EPM2A: variants seen among roughly 807,000 people sequenced by gnomAD.
EPM2A encodes EPM2A glucan phosphatase, laforin.
EPM2A carries 21 observed loss-of-function variants against 26.5 expected under a neutral mutation model. The observed-to-expected ratio is 0.79, with a 90% CI of 0.56 to 1.14. EPM2A has a LOEUF of 1.14. Among genes scored for constraint, EPM2A ranks in the 50% most tolerant of loss-of-function variants. The probability of loss-of-function intolerance (pLI) is 0.00; values close to 1 mark genes in which losing one functional copy is unlikely to be tolerated. For missense variants in EPM2A, 458 were observed against 440.8 expected (o/e 1.04, Z -0.35); for synonymous variants, 217 against 177.6 (o/e 1.22, Z -1.76).
chr6:145,566,972 CT>C (rs1379591905), intron 2 of EPM2A, among the ~76,000 whole-genome samples: 4 of 152,162 alleles, frequency 2.6e-5, no homozygotes, highest in African/African-American at 9.7e-5. Context: ...AGTAAGTTGA[CT>C]TTGGTAAAGG....
At chr6:145,596,620 C>T (rs1476559939) in intron 2 of EPM2A, among the ~76,000 whole-genome samples, 1 of 151,984 alleles carries the variant, frequency 6.6e-6, no homozygotes, top group African/African-American at 2.4e-5. Context: ...ACTTTATTTT[C>T]CTTAATGGCC....
chr6:145,444,267 A>T (rs1009294170), intron 4 of EPM2A, among the ~76,000 whole-genome samples: 13 of 152,318 alleles, frequency 8.5e-5, no homozygotes, highest in Non-Finnish European at 1.5e-4. Flanking sequence ...ATTTTGAGGT[A>T]TGTTCCTTTA....
intron 2 of EPM2A, among the ~76,000 whole-genome samples, chr6:145,602,392 C>T (rs1230257365): frequency 6.6e-6 from 1 of 152,198 alleles, no homozygotes; most frequent in African/African-American, 2.4e-5. Flanking sequence ...ATAACCAGAT[C>T]ATCTGCTTAC....
intron 4 of EPM2A, among the ~76,000 whole-genome samples, chr6:145,454,980 TG>T (rs1779243679): frequency 6.6e-6 from 1 of 152,190 alleles, no homozygotes; most frequent in African/African-American, 2.4e-5. Context: ...ATTGTATATA[TG>T]TGTATGTGCA....
chr6:145,660,504 T>A (rs1296327166), intron 2 of EPM2A, among the ~76,000 whole-genome samples: 4 of 152,156 alleles, frequency 2.6e-5, no homozygotes, highest in African/African-American at 4.8e-5. Flanking sequence ...ATGTAGGCAC[T>A]CAAAAAACAT....
chr6:145,468,091 A>G (rs1779423670), intron 4 of EPM2A, among the ~76,000 whole-genome samples: 1 of 151,958 alleles, frequency 6.6e-6, no homozygotes, highest in Non-Finnish European at 1.5e-5. Context: ...TGTCCTGTTT[A>G]TATTTGTCTT....
chr6:145,538,259 CTT>C (rs201319308), intron 2 of EPM2A, among the ~76,000 whole-genome samples: 2 of 145,956 alleles, frequency 1.4e-5, no homozygotes. Flanking sequence ...CAGAAGAGGC[CTT>C]TTTTTTTTTA....
chr6:145,682,639 T>C (rs1780628259), intron 2 of EPM2A: 1 of 152,310 alleles, frequency 6.6e-6, no homozygotes, highest in South Asian at 2.1e-4. Flanking sequence ...CCATTATTGA[T>C]GGTCCAGCAC....
At chr6:145,603,499 C>T (rs889885836) in intron 2 of EPM2A, among the ~76,000 whole-genome samples, 2 of 152,162 alleles carry the variant, frequency 1.3e-5, no homozygotes, top group Non-Finnish European at 2.9e-5. Flanking sequence ...CATTAAGAAT[C>T]CTGAGATCAG....
chr6:145,567,354 A>G (rs1780897633), intron 2 of EPM2A, among the ~76,000 whole-genome samples: 1 of 152,190 alleles, frequency 6.6e-6, no homozygotes, highest in Admixed American at 6.5e-5. Context: ...AACACTAGCT[A>G]CTGCCACACA....
chr6:145,505,294 G>C (rs1177295241), intron 2 of EPM2A, among the ~76,000 whole-genome samples: 1 of 151,988 alleles, frequency 6.6e-6, no homozygotes, highest in East Asian at 1.9e-4. Context: ...TAGAAAAGGT[G>C]CATGAATAGT....
At chr6:145,434,500 T>A (rs993813752) in intron 4 of EPM2A, among the ~76,000 whole-genome samples, 6 of 152,056 alleles carry the variant, frequency 3.9e-5, no homozygotes, top group African/African-American at 1.4e-4. Flanking sequence ...TTTTAAGTAA[T>A]CATTTTTATT....
chr6:145,422,530 T>C (rs1416852040), intron 4 of EPM2A, among the ~76,000 whole-genome samples: 1 of 150,756 alleles, frequency 6.6e-6, no homozygotes, highest in Non-Finnish European at 1.5e-5. Context: ...AAACCAGAAA[T>C]GTTATTCAAA....
At chr6:145,553,052 C>A (rs1370494984) in intron 2 of EPM2A, among the ~76,000 whole-genome samples, 2 of 152,020 alleles carry the variant, frequency 1.3e-5, no homozygotes, top group Admixed American at 6.6e-5. Context: ...AAGGATGAGA[C>A]CAGATGGAGG....
intron 2 of EPM2A, among the ~76,000 whole-genome samples, chr6:145,515,758 A>C (rs1780117765): frequency 6.6e-6 from 1 of 152,226 alleles, no homozygotes; most frequent in African/African-American, 2.4e-5. Flanking sequence ...CACAATTTAT[A>C]GGTCTTAACT....
At chr6:145,687,932 C>A (rs937164414) in intron 1 of EPM2A, among the ~76,000 whole-genome samples, 2 of 152,122 alleles carry the variant, frequency 1.3e-5, no homozygotes, top group African/African-American at 4.8e-5. Flanking sequence ...AGCAACCTCA[C>A]TTCTAGAAAC....
At chr6:145,735,139 T>G (rs1192010655) in intron 1 of EPM2A, 59 bp downstream of exon 1, 5 of 1,322,292 alleles carry the variant, frequency 3.8e-6, no homozygotes, top group Non-Finnish European at 4.1e-6. Context: ...GAGGCCCCGG[T>G]TGGGGGTGCG....
chr6:145,699,893 GA>G (rs1424636418), intron 1 of EPM2A, among the ~76,000 whole-genome samples: 3 of 152,084 alleles, frequency 2.0e-5, no homozygotes, highest in African/African-American at 7.2e-5. Context: ...AGATTATGCT[GA>G]AAAAATTCCA....
chr6:145,684,586 A>G (rs1459761940), intron 2 of EPM2A, among the ~76,000 whole-genome samples: 1 of 152,094 alleles, frequency 6.6e-6, no homozygotes, highest in African/African-American at 2.4e-5. Flanking sequence ...CTATTGTCTC[A>G]TCTAGACTCA....
Sources: allele counts gnomAD v4.1 joint callset (sites outside exome capture counted in the v4.1 genomes callset), GRCh38; gene constraint gnomAD v4.1.1; transcripts MANE v1.5; gene names NCBI Gene and HGNC (gene_info 2026-07-23, HGNC 2026-07-21).